The following TMEM132D variants were observed in gnomAD, a reference collection of about 807,000 sequenced individuals.
The protein encoded by TMEM132D is mature OL transmembrane protein.
TMEM132D carries 21 observed loss-of-function variants against 62.3 expected under a neutral mutation model. That is an observed-to-expected ratio of 0.34 (90% CI 0.24 to 0.49). TMEM132D has a LOEUF of 0.49. TMEM132D is among the 20% of genes least tolerant of loss of function. The probability of loss-of-function intolerance (pLI) is 0.99; values close to 1 mark genes in which losing one functional copy is unlikely to be tolerated. For missense variants in TMEM132D, 1,346 were observed against 1,402.8 expected, an observed-to-expected ratio of 0.96 and a Z score of 0.65; for synonymous variants, 621 against 575.6, an observed-to-expected ratio of 1.08 and a Z score of -1.13.
chr12:129,573,152 C>T (rs377420672), intron 2 of TMEM132D, among the ~76,000 whole-genome samples: 4 of 152,128 alleles, frequency 2.6e-5, no homozygotes, highest in Middle Eastern at 3.2e-3. Flanking sequence ...GGAGACCCTG[C>T]GCCTACACAA....
At chr12:129,865,052 G>A (rs541020403) in intron 1 of TMEM132D, among the ~76,000 whole-genome samples, 1 of 152,282 alleles carries the variant, frequency 6.6e-6, no homozygotes, top group African/African-American at 2.4e-5. Flanking sequence ...GGAAAAAGTT[G>A]GAAATCCAGA....
At chr12:129,523,393 T>C (rs966627045) in intron 3 of TMEM132D, among the ~76,000 whole-genome samples, 5 of 152,208 alleles carry the variant, frequency 3.3e-5, no homozygotes, top group African/African-American at 1.2e-4. Context: ...AGCATTTTGA[T>C]GAACACCAGC....
chr12:129,560,650 G>C (rs779826595), intron 2 of TMEM132D, among the ~76,000 whole-genome samples: 1 of 152,172 alleles, frequency 6.6e-6, no homozygotes, highest in Non-Finnish European at 1.5e-5. Flanking sequence ...CACCCAGGTA[G>C]GAATAAATTA....
chr12:129,283,002 C>T (rs1881197446), intron 4 of TMEM132D, among the ~76,000 whole-genome samples: 1 of 152,120 alleles, frequency 6.6e-6, no homozygotes, highest in Non-Finnish European at 1.5e-5. Context: ...ACTTCTGATT[C>T]CCAAGTCTTC....
At chr12:129,557,010 T>C (rs1196206566) in intron 2 of TMEM132D, among the ~76,000 whole-genome samples, 1 of 152,236 alleles carries the variant, frequency 6.6e-6, no homozygotes, top group Non-Finnish European at 1.5e-5. Flanking sequence ...AAAATTAAAC[T>C]GTTATATCCT....
chr12:129,176,740 C>G (rs576268260), intron 5 of TMEM132D, among the ~76,000 whole-genome samples: 4 of 152,206 alleles, frequency 2.6e-5, no homozygotes, highest in Non-Finnish European at 5.9e-5. Context: ...GGGCAGCCAA[C>G]GAGAGCAGGC....
chr12:129,790,096 T>G (rs1205168962), intron 1 of TMEM132D, among the ~76,000 whole-genome samples: 1 of 152,118 alleles, frequency 6.6e-6, no homozygotes, highest in African/African-American at 2.4e-5. Context: ...GTTCCACCCT[T>G]TGCAGGAGGG....
At chr12:129,476,503 G>A (rs1408110107) in intron 3 of TMEM132D, among the ~76,000 whole-genome samples, 1 of 152,164 alleles carries the variant, frequency 6.6e-6, no homozygotes, top group Admixed American at 6.5e-5. Flanking sequence ...TTGCTTGCGT[G>A]TGCCGAGCCT....
chr12:129,811,696 G>A (rs895775071), intron 1 of TMEM132D, among the ~76,000 whole-genome samples: 6 of 151,850 alleles, frequency 4.0e-5, no homozygotes, highest in Non-Finnish European at 8.8e-5. Context: ...CTGTGGACCC[G>A]ATGCTGTCAC....
chr12:129,832,635 G>T (rs1156943274), intron 1 of TMEM132D, among the ~76,000 whole-genome samples: 2 of 152,116 alleles, frequency 1.3e-5, no homozygotes, highest in Non-Finnish European at 2.9e-5. Flanking sequence ...GGCCACCTCT[G>T]CCTCCTCCCA....
chr12:129,116,359 G>A (rs1339394576), intron 5 of TMEM132D, among the ~76,000 whole-genome samples: 1 of 152,128 alleles, frequency 6.6e-6, no homozygotes, highest in Non-Finnish European at 1.5e-5. Context: ...AGAGAGAAAG[G>A]CACATTAACA....
At chr12:129,772,529 T>C (rs1208946964) in intron 1 of TMEM132D, among the ~76,000 whole-genome samples, 1 of 152,182 alleles carries the variant, frequency 6.6e-6, no homozygotes, top group East Asian at 1.9e-4. Flanking sequence ...CAACATAACA[T>C]TTGCATTCCA....
intron 3 of TMEM132D, among the ~76,000 whole-genome samples, chr12:129,397,452 A>C (rs529309165): frequency 1.3e-5 from 2 of 152,282 alleles, no homozygotes; most frequent in South Asian, 4.1e-4. Context: ...AACACCGTAA[A>C]ACTACATGAA....
intron 4 of TMEM132D, among the ~76,000 whole-genome samples, chr12:129,333,602 G>A (rs966039849): frequency 6.6e-6 from 1 of 152,142 alleles, no homozygotes; most frequent in African/African-American, 2.4e-5. Context: ...ATCTCAGCCA[G>A]GACAGTCCAG....
At chr12:129,678,199 G>A (rs1880686434) in intron 2 of TMEM132D, among the ~76,000 whole-genome samples, 1 of 152,060 alleles carries the variant, frequency 6.6e-6, no homozygotes. Context: ...TGGAAATATG[G>A]GGTCATATCA....
At chr12:129,333,305 A>G (rs1019329408) in intron 4 of TMEM132D, among the ~76,000 whole-genome samples, 6 of 152,224 alleles carry the variant, frequency 3.9e-5, no homozygotes, top group Non-Finnish European at 8.8e-5. Flanking sequence ...GGAATACAAT[A>G]TTGCATATCC....
At chr12:129,729,044 C>T (rs1426376110) in intron 1 of TMEM132D, among the ~76,000 whole-genome samples, 2 of 152,118 alleles carry the variant, frequency 1.3e-5, no homozygotes, top group Non-Finnish European at 2.9e-5. Flanking sequence ...TTGACTTAAG[C>T]TTTCATTTAA....
chr12:129,637,334 A>T (rs970359537), intron 2 of TMEM132D, among the ~76,000 whole-genome samples: 2 of 152,172 alleles, frequency 1.3e-5, no homozygotes, highest in African/African-American at 4.8e-5. Context: ...CACTGGGAAG[A>T]GTATTATTCA....
At chr12:129,821,428 C>T (rs913108700) in intron 1 of TMEM132D, among the ~76,000 whole-genome samples, 38 of 152,108 alleles carry the variant, frequency 2.5e-4, no homozygotes, top group Non-Finnish European at 1.2e-4. Context: ...ATGGAATCTT[C>T]GTCCTCAGAA....
Sources: allele counts gnomAD v4.1 joint callset (sites outside exome capture counted in the v4.1 genomes callset), GRCh38; gene constraint gnomAD v4.1.1; transcripts MANE v1.5; gene names NCBI Gene and HGNC (gene_info 2026-07-23, HGNC 2026-07-21).